FRMD4A: variants seen among roughly 807,000 people sequenced by gnomAD.
FRMD4A encodes the protein FERM domain-containing protein 4A.
Under a neutral mutation model 129.1 loss-of-function variants are expected in FRMD4A, and 29 were observed. The ratio of observed to expected loss-of-function variants is 0.22; its 90% CI spans 0.17 to 0.31. The LOEUF is 0.31. Among genes scored for constraint, FRMD4A ranks in the 10% least tolerant of loss-of-function variants. FRMD4A has a pLI of 1.00. For missense variants in FRMD4A, 1,272 were observed against 1,375.8 expected, an observed-to-expected ratio of 0.92 and a Z score of 1.19; for synonymous variants, 634 against 571.6, an observed-to-expected ratio of 1.11 and a Z score of -1.56.
chr10:13,977,322 T>G (rs948207062), intron 2 of FRMD4A, among the ~76,000 whole-genome samples: 11 of 151,584 alleles, frequency 7.3e-5, no homozygotes, highest in African/African-American at 2.7e-4. Flanking sequence ...AACACAAGAC[T>G]CAAACTGAGG....
At chr10:14,312,721 C>A (rs1424347037) in intron 2 of FRMD4A, among the ~76,000 whole-genome samples, 1 of 152,020 alleles carries the variant, frequency 6.6e-6, no homozygotes, top group African/African-American at 2.4e-5. Context: ...AAAAAATTAG[C>A]CAGGTGTGGT....
At chr10:13,699,433 TCAA>T (rs767162444) in intron 14 of FRMD4A, among the ~76,000 whole-genome samples, 2 of 152,006 alleles carry the variant, frequency 1.3e-5, no homozygotes, top group African/African-American at 2.4e-5. Flanking sequence ...GTTAGCCTGT[TCAA>T]CAACAAGGCT....
At chr10:13,801,345 G>A (rs1438512424) in intron 4 of FRMD4A, among the ~76,000 whole-genome samples, 5 of 152,340 alleles carry the variant, frequency 3.3e-5, no homozygotes, top group African/African-American at 1.2e-4. Context: ...ACATGGAATA[G>A]TTGGCCTCTG....
intron 2 of FRMD4A, among the ~76,000 whole-genome samples, chr10:14,039,479 T>TATATTGGAACCCCAAAATCAATCA (rs1833691451): frequency 5.4e-5 from 8 of 148,594 alleles, no homozygotes; most frequent in African/African-American, 2.0e-4. Flanking sequence ...TCTATCTATC[T>TATATTGGAACCCCAAAATCAATCA]ATCTATCTAT....
intron 2 of FRMD4A, chr10:13,866,222 A>G: frequency 1.3e-6 from 1 of 790,902 alleles, no homozygotes; most frequent in Non-Finnish European, 1.5e-6. Flanking sequence ...CAGACAGAAA[A>G]TTTAGATTTC....
chr10:14,315,807 C>G (rs2132112060), intron 2 of FRMD4A, among the ~76,000 whole-genome samples: 1 of 152,304 alleles, frequency 6.6e-6, no homozygotes, highest in South Asian at 2.1e-4. Flanking sequence ...TGGTCTGAAC[C>G]TTCAAGTTCA....
In FRMD4A at chr10:13,900,578, T is replaced by C. The variant is rs549305062; in HGVS notation, c.46-41666A>G. Among the ~76,000 whole-genome samples the C allele has an allele frequency of 9.3e-4, 141 of 152,334 alleles. 1 individual carries two copies. Among genetic ancestry groups the C allele is most frequent in the South Asian group, 5.4e-3 (26 of 4,830 alleles). ...GCTAGCTCTCTCCCTAAGGCTTTTTTGTTTATTTACTCAGAAATATGTATT... is the reference window on the plus strand; with the variant it reads ...GCTAGCTCTCTCCCTAAGGCTTTTTCGTTTATTTACTCAGAAATATGTATT... On this transcript the variant is annotated intron_variant, in intron 2 of 24. Coordinates refer to ENST00000357447, the MANE Select transcript of FRMD4A (RefSeq NM_018027.5).
chr10:13,851,440 G>A (rs1344169332), intron 3 of FRMD4A, among the ~76,000 whole-genome samples: 1 of 152,178 alleles, frequency 6.6e-6, no homozygotes, highest in Non-Finnish European at 1.5e-5. Flanking sequence ...CTGCACAGCA[G>A]GAGATGAGCA....
At position 13,670,421 on chromosome 10, in the gene FRMD4A, G is replaced by C. The variant is rs1382120007; in HGVS notation, c.1359C>G (p.Ile453Met). 1.2e-6 allele frequency: 2 copies of C among 1,613,432 alleles called. No individual in the cohort carries two copies. The highest frequency in any genetic ancestry group is 1.7e-6 in the Non-Finnish European group (2 of 1,179,576). Reference sequence around the variant, plus strand: ...AAGGACGCACCTCTCCTTTGGGCAGGATTTTCTGTTCATCCAGTTTGAAGG... The same window carrying C: ...AAGGACGCACCTCTCCTTTGGGCAGCATTTTCTGTTCATCCAGTTTGAAGG... ...GTAFKLDEQK[I>M]LPKGEEAELE... is the part of the protein sequence containing the mutation. The change falls in exon 17 of 25, where the codon ATC (isoleucine) becomes ATG (methionine). Residue 453 changes from isoleucine to methionine, a missense_variant. This residue lies in a region of FRMD4A where 972 missense variants were observed against 892.3 expected (regional missense o/e 1.09). Coordinates refer to ENST00000357447, the MANE Select transcript of FRMD4A (RefSeq NM_018027.5).
intron 12 of FRMD4A, among the ~76,000 whole-genome samples, chr10:13,717,168 C>G (rs1471755114): frequency 6.6e-6 from 1 of 152,160 alleles, no homozygotes; most frequent in African/African-American, 2.4e-5. Flanking sequence ...ATTCTACCTG[C>G]TATGACAGAC....
At chr10:13,918,940 A>G (rs1325733243) in intron 2 of FRMD4A, among the ~76,000 whole-genome samples, 1 of 152,070 alleles carries the variant, frequency 6.6e-6, no homozygotes. Context: ...TTTATGCCCA[A>G]ATGATTCTAT....
chr10:14,325,205 GA>G (rs1843223931), intron 2 of FRMD4A, among the ~76,000 whole-genome samples: 1 of 152,194 alleles, frequency 6.6e-6, no homozygotes, highest in African/African-American at 2.4e-5. Flanking sequence ...GGGATCTGCG[GA>G]AAAGCCATAG....
At chr10:14,057,573 CT>C (rs141521346) in intron 2 of FRMD4A, among the ~76,000 whole-genome samples, 16 of 90,036 alleles carry the variant, frequency 1.8e-4, no homozygotes, top group East Asian at 4.5e-4. Flanking sequence ...AATTTATAAT[CT>C]TTTTTTTTTT....
chr10:13,739,825 C>G (rs1017549446), intron 11 of FRMD4A, among the ~76,000 whole-genome samples: 1 of 152,186 alleles, frequency 6.6e-6, no homozygotes, highest in African/African-American at 2.4e-5. Flanking sequence ...GAGGGCCAGG[C>G]GCGGTGGCTC....
At chr10:14,329,342 G>A (rs1428960757) in intron 2 of FRMD4A, among the ~76,000 whole-genome samples, 1 of 152,226 alleles carries the variant, frequency 6.6e-6, no homozygotes, top group Non-Finnish European at 1.5e-5. Context: ...GCTGAACCTA[G>A]TGTCAAGCCA....
chr10:14,127,966 C>CTTTT (rs60266302), intron 2 of FRMD4A, among the ~76,000 whole-genome samples: 2 of 55,634 alleles, frequency 3.6e-5, no homozygotes, highest in African/African-American at 1.9e-4. Flanking sequence ...TTCTTTCTTT[C>CTTTT]TTTCTTTCTT....
intron 2 of FRMD4A, among the ~76,000 whole-genome samples, chr10:14,050,806 A>G (rs1834220068): frequency 6.6e-6 from 1 of 152,210 alleles, no homozygotes; most frequent in Non-Finnish European, 1.5e-5. Context: ...GTACCCAGAA[A>G]GGGCCTAGCA....
At chr10:14,031,172 C>T (rs1833223367) in intron 2 of FRMD4A, among the ~76,000 whole-genome samples, 1 of 152,314 alleles carries the variant, frequency 6.6e-6, no homozygotes, top group Non-Finnish European at 1.5e-5. Flanking sequence ...GCCTGGGCTT[C>T]ACCACGTGGA....
chr10:13,967,699 T>G (rs2095493835), intron 2 of FRMD4A, among the ~76,000 whole-genome samples: 1 of 152,164 alleles, frequency 6.6e-6, no homozygotes, highest in Non-Finnish European at 1.5e-5. Context: ...ACATACAACT[T>G]TTTGTCCTCT....
Sources: allele counts gnomAD v4.1 joint callset (sites outside exome capture counted in the v4.1 genomes callset), GRCh38; gene constraint gnomAD v4.1.1; regional missense constraint gnomAD v4.1.1; transcripts MANE v1.5; gene names NCBI Gene and HGNC (gene_info 2026-07-23, HGNC 2026-07-21).